LSAMP: variants seen among roughly 807,000 people sequenced by gnomAD.
LSAMP encodes limbic system associated membrane protein, also known as limbic system-associated membrane protein.
A neutral mutation model predicts 38.6 loss-of-function variants in LSAMP; 7 were observed. The observed-to-expected ratio is 0.18, with a 90% CI of 0.10 to 0.34. The LOEUF (loss-of-function observed/expected upper bound fraction) is 0.34, where lower values mean the gene tolerates loss of function less well. Among genes scored for constraint, LSAMP ranks in the 10% least tolerant of loss-of-function variants. The probability of loss-of-function intolerance (pLI) is 1.00; values close to 1 mark genes in which losing one functional copy is unlikely to be tolerated. For synonymous variants in LSAMP, 154 were observed against 166.8 expected (o/e 0.92, Z 0.59); for missense variants, 313 against 420.0 (o/e 0.75, Z 2.23).
chr3:115,815,543 C>G (rs941291703), intron 6 of LSAMP, among the ~76,000 whole-genome samples: 3 of 152,210 alleles, frequency 2.0e-5, no homozygotes, highest in Admixed American at 6.5e-5. Context: ...TTCATCAACA[C>G]AGCAGCAAGT....
At chr3:116,169,803 G>T (rs147723151) in intron 1 of LSAMP, among the ~76,000 whole-genome samples, 2 of 151,934 alleles carry the variant, frequency 1.3e-5, no homozygotes, top group African/African-American at 4.8e-5. Flanking sequence ...GACTTTTCTC[G>T]CCACTCATGC....
intron 1 of LSAMP, among the ~76,000 whole-genome samples, chr3:116,269,507 T>C (rs1478797990): frequency 6.6e-6 from 1 of 152,112 alleles, no homozygotes; most frequent in Non-Finnish European, 1.5e-5. Flanking sequence ...GAATGAATGA[T>C]GCTAAACCTA....
intron 1 of LSAMP, among the ~76,000 whole-genome samples, chr3:116,433,793 G>T (rs993825717): frequency 6.6e-6 from 1 of 152,076 alleles, no homozygotes; most frequent in African/African-American, 2.4e-5. Flanking sequence ...TCTCCAGGAA[G>T]GTAGATTCCT....
chr3:115,944,619 T>C (rs1327086338), intron 3 of LSAMP, among the ~76,000 whole-genome samples: 1 of 152,204 alleles, frequency 6.6e-6, no homozygotes, highest in Non-Finnish European at 1.5e-5. Context: ...TGCTTTTTAC[T>C]GTGGCAAATA....
At chr3:116,020,074 C>T (rs1460753790) in intron 2 of LSAMP, among the ~76,000 whole-genome samples, 1 of 152,078 alleles carries the variant, frequency 6.6e-6, no homozygotes, top group Non-Finnish European at 1.5e-5. Flanking sequence ...TGCTATTTAG[C>T]ATAAGATTAC....
intron 1 of LSAMP, among the ~76,000 whole-genome samples, chr3:116,238,811 G>A (rs2046496458): frequency 6.6e-6 from 1 of 151,718 alleles, no homozygotes; most frequent in African/African-American, 2.4e-5. Context: ...TCTTCAGCAG[G>A]AAATGTGCTC....
At chr3:115,842,075 G>A (rs563107273) in intron 5 of LSAMP, 82 bp from the exon 6 acceptor site, 2 of 1,389,772 alleles carry the variant, frequency 1.4e-6, no homozygotes, top group South Asian at 2.7e-5. Flanking sequence ...CCTGACACTG[G>A]AGGAAAAGGA....
At chr3:116,113,420 A>ATTTT (rs374608044) in intron 1 of LSAMP, among the ~76,000 whole-genome samples, 516 of 51,022 alleles carry the variant, frequency 0.01, 22 homozygotes, top group Admixed American at 0.041. Context: ...ATATATATAT[A>ATTTT]TTTTTTTTTT....
At chr3:115,968,213 C>T (rs1938890779) in intron 3 of LSAMP, among the ~76,000 whole-genome samples, 1 of 152,042 alleles carries the variant, frequency 6.6e-6, no homozygotes, top group African/African-American at 2.4e-5. Context: ...GGTGTCTAAG[C>T]TGCAAGACAA....
chr3:116,392,181 G>C (rs534272605), intron 1 of LSAMP, among the ~76,000 whole-genome samples: 1 of 152,202 alleles, frequency 6.6e-6, no homozygotes, highest in Non-Finnish European at 1.5e-5. Flanking sequence ...GTGGGAGCTG[G>C]GGACAAGCGG....
chr3:116,323,994 A>G (rs2047739250), intron 1 of LSAMP, among the ~76,000 whole-genome samples: 1 of 152,194 alleles, frequency 6.6e-6, no homozygotes, highest in African/African-American at 2.4e-5. Context: ...GAACATTAAC[A>G]TAGTTCAACC....
chr3:116,098,258 G>A (rs947289585), intron 1 of LSAMP, among the ~76,000 whole-genome samples: 5 of 152,016 alleles, frequency 3.3e-5, no homozygotes, highest in African/African-American at 1.2e-4. Context: ...CAGCACTTTG[G>A]GAGGCCGAGG....
At chr3:116,148,712 G>A (rs754059848) in intron 1 of LSAMP, among the ~76,000 whole-genome samples, 3 of 152,018 alleles carry the variant, frequency 2.0e-5, no homozygotes, top group East Asian at 1.9e-4. Context: ...AAATTTAGTC[G>A]CTTTTTAAAA....
At chr3:116,354,373 T>C (rs2048190919) in intron 1 of LSAMP, among the ~76,000 whole-genome samples, 3 of 152,186 alleles carry the variant, frequency 2.0e-5, no homozygotes, top group Non-Finnish European at 4.4e-5. Flanking sequence ...ACAAACACCT[T>C]ACTTAGTTCA....
chr3:116,076,501 C>T (rs188494681), intron 2 of LSAMP, among the ~76,000 whole-genome samples: 71 of 152,258 alleles, frequency 4.7e-4, no homozygotes, highest in Non-Finnish European at 8.2e-4. Flanking sequence ...TCATGATCTG[C>T]CCACCTCAGC....
chr3:115,920,926 T>A (rs576733635), intron 3 of LSAMP, among the ~76,000 whole-genome samples: 3 of 152,008 alleles, frequency 2.0e-5, no homozygotes, highest in African/African-American at 7.2e-5. Context: ...TCCTGGTGAA[T>A]TGACAGTTTT....
At chr3:115,897,672 G>C (rs1936763095) in intron 3 of LSAMP, among the ~76,000 whole-genome samples, 1 of 152,120 alleles carries the variant, frequency 6.6e-6, no homozygotes, top group Non-Finnish European at 1.5e-5. Flanking sequence ...AGCAGCGGTG[G>C]ACAAGAAAAC....
chr3:116,100,090 T>TG (rs1311231151), intron 1 of LSAMP, among the ~76,000 whole-genome samples: 2 of 96,990 alleles, frequency 2.1e-5, no homozygotes, highest in Non-Finnish European at 3.9e-5. Flanking sequence ...TTTGGGGGGG[T>TG]GGGGGGTGGG....
At chr3:116,222,884 C>T (rs540747456) in intron 1 of LSAMP, among the ~76,000 whole-genome samples, 15 of 151,368 alleles carry the variant, frequency 9.9e-5, no homozygotes, top group South Asian at 6.3e-4. Flanking sequence ...TACAGGCGCC[C>T]GCCACCATGC....
Sources: gnomAD v4.1 joint callset for allele counts (sites outside exome capture counted in the v4.1 genomes callset) on GRCh38, gnomAD v4.1.1 for gene constraint, MANE v1.5 for transcripts, NCBI Gene and HGNC (gene_info 2026-07-23, HGNC 2026-07-21) for gene names.